The following LRRK2 variants were observed in gnomAD, a reference collection of about 807,000 sequenced individuals.
The protein encoded by LRRK2 is leucine rich repeat kinase 2, also known as leucine-rich repeat serine/threonine-protein kinase 2.
LRRK2 carries 203 observed loss-of-function variants against 302.6 expected under a neutral mutation model. That is an observed-to-expected ratio of 0.67 (90% CI 0.60 to 0.75). LRRK2 has a LOEUF of 0.75. LRRK2 is among the 30% of genes least tolerant of loss of function. The pLI is 0.00. For missense variants in LRRK2, 2,830 were observed against 2,951.0 expected, an observed-to-expected ratio of 0.96 and a Z score of 0.95; for synonymous variants, 1,066 against 1,031.9, an observed-to-expected ratio of 1.03 and a Z score of -0.63.
In LRRK2 at chr12:40,357,918, G is replaced by C. The variant is rs1293036564; in HGVS notation, c.6844-1342G>C. Among the ~76,000 whole-genome samples the C allele has an allele frequency of 2.6e-5, 4 of 151,930 alleles. No individual in the cohort carries two copies. The South Asian group carries it at 8.3e-4, about 31-fold the overall frequency. ...TTCACGAGTAGCTGGGACTACAGGC[G>C]TGTGCTACCATACCTGGCTGTTTAT... On this transcript the variant is annotated intron_variant, in intron 46 of 50. Transcript: ENST00000298910.
intron 18 of LRRK2, among the ~76,000 whole-genome samples, chr12:40,281,272 G>A (rs534882972): frequency 2.6e-5 from 4 of 152,300 alleles, no homozygotes; most frequent in African/African-American, 9.6e-5. Flanking sequence ...AGAAGCTGAG[G>A]CACTGAGGGT....
At position 40,287,370 on chromosome 12, in the gene LRRK2, A is replaced by G; in HGVS notation, c.2520A>G (p.Ala840=). The change falls in exon 20 of 51, where the codon GCA becomes GCG. Residue 840 remains alanine, a synonymous_variant. Transcript: ENST00000298910. ...RKQTNIASTL[A]RMVIRYQMKS... ...TTTCAGATATAGCATCTACACTAGCAAGAATGGTGATCAGATATCAGATGA... is the reference window on the plus strand; with the variant it reads ...TTTCAGATATAGCATCTACACTAGCGAGAATGGTGATCAGATATCAGATGA... 6.2e-7 allele frequency: 1 copy of G among 1,612,358 alleles called. No individual in the cohort carries two copies. Among genetic ancestry groups the G allele is most frequent in the East Asian group, 2.2e-5 (1 of 44,842 alleles).
At chr12:40,340,099 A>G (rs1194815782) in intron 40 of LRRK2, among the ~76,000 whole-genome samples, 195 bp from the exon 41 acceptor site, 2 of 152,214 alleles carry the variant, frequency 1.3e-5, no homozygotes, top group African/African-American at 4.8e-5. Context: ...CCTTTTTTAA[A>G]GCATAACTTT....
In LRRK2 at chr12:40,252,918, C is replaced by T; in HGVS notation, c.1190C>T (p.Ala397Val). 5 of 1,612,232 alleles carry T rather than the reference C, an allele frequency of 3.1e-6. No individual in the cohort carries two copies. Among genetic ancestry groups the T allele is most frequent in the Non-Finnish European group, 4.2e-6 (5 of 1,178,598 alleles). Residue 397 changes from alanine (A) to valine (V), a missense_variant, in exon 11 of 51, where the codon GCT becomes GTT. By Grantham distance (64) the Ala-to-Val change is moderately conservative (BLOSUM62 0). Coordinates refer to ENST00000298910, the MANE Select transcript of LRRK2 (RefSeq NM_198578.4). ...KIGDEDGHFP[A>V]HREVMLSMLM... is the part of the protein sequence containing the mutation. ...GTTTGAATTTTTGAAAGTTTCCCAG[C>T]TCATAGGGAAGTGATGCTCTCCATG...
At chr12:40,242,050 C>T (rs1941745836) in intron 6 of LRRK2, among the ~76,000 whole-genome samples, 1 of 151,836 alleles carries the variant, frequency 6.6e-6, no homozygotes, top group African/African-American at 2.4e-5. Flanking sequence ...TGTTTTCCAC[C>T]CACATTGGAC....
At chr12:40,342,792 T>C (rs1301339332) in intron 41 of LRRK2, among the ~76,000 whole-genome samples, 4 of 152,206 alleles carry the variant, frequency 2.6e-5, no homozygotes, top group Non-Finnish European at 5.9e-5. Context: ...CAAAAGACGA[T>C]GGATTTGTTA....
At chr12:40,252,865 T>C (rs749549678) in intron 10 of LRRK2, 45 bp from the exon 11 acceptor site, 1 of 1,255,368 alleles carries the variant, frequency 8.0e-7, no homozygotes, top group East Asian at 2.3e-5. Flanking sequence ...TTTGAGATAG[T>C]TATTTAAAAG....
rs541490341 is a variant in LRRK2, at chr12:40,265,899, G to A, written c.1656+1998G>A. Among the ~76,000 whole-genome samples the A allele has an allele frequency of 3.0e-4, 46 of 152,156 alleles. 2 individuals carry two copies. The South Asian group carries it at 8.9e-3, about 30-fold the overall frequency. ...CAAACCTGACAAAAACAAGAAATGG[G>A]GAAACGATTCCCTATTTAATAAATG... is the stretch of plus-strand genomic sequence containing the variant. On this transcript the variant is annotated intron_variant, in intron 14 of 50. Transcript: ENST00000298910.
At chr12:40,327,217 G>T (rs1332349748) in intron 38 of LRRK2, among the ~76,000 whole-genome samples, 1 of 152,168 alleles carries the variant, frequency 6.6e-6, no homozygotes, top group African/African-American at 2.4e-5. Flanking sequence ...ACTCCTTGGG[G>T]ATTGAGATGA....
chr12:40,256,551 A>C (rs1002130502), intron 11 of LRRK2, among the ~76,000 whole-genome samples: 4 of 152,232 alleles, frequency 2.6e-5, no homozygotes, highest in Non-Finnish European at 5.9e-5. Flanking sequence ...AAGCATATCT[A>C]TATGTTTCCT....
chr12:40,298,805 TG>T (rs1944492535), intron 24 of LRRK2, among the ~76,000 whole-genome samples: 3 of 78,030 alleles, frequency 3.8e-5, no homozygotes, highest in Non-Finnish European at 7.7e-5. Flanking sequence ...ATATAATATA[TG>T]TATTATAATA....
chr12:40,239,578 G>A (rs1480815186), intron 5 of LRRK2, among the ~76,000 whole-genome samples: 1 of 152,122 alleles, frequency 6.6e-6, no homozygotes, highest in Non-Finnish European at 1.5e-5. Flanking sequence ...AGTGCTGAGA[G>A]GGTTATGACT....
At chr12:40,316,078 A>G (rs1945208759) in intron 33 of LRRK2, among the ~76,000 whole-genome samples, 1 of 152,046 alleles carries the variant, frequency 6.6e-6, no homozygotes, top group Non-Finnish European at 1.5e-5. Context: ...TTGCTTGGAG[A>G]ATGTGAAAAA....
intron 45 of LRRK2, 133 bp from the exon 46 acceptor site, chr12:40,355,982 C>CT (rs1195372162): frequency 6.3e-6 from 4 of 639,440 alleles, no homozygotes; most frequent in African/African-American, 1.8e-5. Context: ...AGTAAATACT[C>CT]TAAGAAAAGG....
At chr12:40,228,433 CTTTTTTTTTT>C (rs35333613) in intron 2 of LRRK2, among the ~76,000 whole-genome samples, 324 of 19,332 alleles carry the variant, frequency 0.017, 5 homozygotes, top group Non-Finnish European at 0.023. Flanking sequence ...AAAAATAAGA[CTTTTTTTTTT>C]TTTTTTTTTT....
At chr12:40,298,038 G>A (rs1944448188) in intron 23 of LRRK2, among the ~76,000 whole-genome samples, 1 of 151,892 alleles carries the variant, frequency 6.6e-6, no homozygotes, top group African/African-American at 2.4e-5. Context: ...CAATCTACCT[G>A]TTGTAATTTT....
In LRRK2 at chr12:40,229,871, C is replaced by T. The variant is rs999997299; in HGVS notation, c.238-2403C>T. On this transcript the variant is annotated intron_variant, in intron 2 of 50. Coordinates refer to ENST00000298910, the MANE Select transcript of LRRK2 (RefSeq NM_198578.4). The stretch of plus-strand genomic sequence containing the variant: ...TCTTTTTGCAAAGCGTTTACTGATA[C>T]TGTTGCTTCACCAACCAAAACAAAC... 2.0e-5 allele frequency among the ~76,000 whole-genome samples: 3 copies of T among 150,318 alleles called. No homozygotes were observed. In the East Asian group the frequency reaches 5.9e-4, roughly 30 times the overall value.
At chr12:40,278,303 T>G in intron 18 of LRRK2, 42 bp downstream of exon 18, 1 of 1,608,792 alleles carries the variant, frequency 6.2e-7, no homozygotes, top group Non-Finnish European at 8.5e-7. Flanking sequence ...CTCAGTATTC[T>G]TATAGAATGT....
In LRRK2 at chr12:40,351,587, A is replaced by G; in HGVS notation, c.6430A>G (p.Ile2144Val). 2 of 1,614,188 alleles carry G rather than the reference A, an allele frequency of 1.2e-6. No individual in the cohort carries two copies. The highest frequency in any genetic ancestry group is 2.2e-5 in the East Asian group (1 of 44,884). Residue 2144 changes from isoleucine to valine, a missense_variant, in exon 44 of 51, where the codon ATT becomes GTT. Ile to Val is a conservative substitution (Grantham distance 29). Transcript: ENST00000298910. Reference protein sequence around the residue: ...SAELVCLTRRILLPKNVIVEC... With the variant: ...SAELVCLTRRVLLPKNVIVEC... ...TGAATTAGTCTGTCTGACGAGACGCATTTTATTACCTAAAAACGTAATTGT... is the reference window on the plus strand; with the variant it reads ...TGAATTAGTCTGTCTGACGAGACGCGTTTTATTACCTAAAAACGTAATTGT...
Sources: gnomAD v4.1 joint callset for allele counts (sites outside exome capture counted in the v4.1 genomes callset) on GRCh38, gnomAD v4.1.1 for gene constraint, MANE v1.5 for transcripts, NCBI Gene and HGNC (gene_info 2026-07-23, HGNC 2026-07-21) for gene names.